Variants in SGCD observed in about 807,000 individuals in gnomAD.
The protein encoded by SGCD is delta-sarcoglycan.
A neutral mutation model predicts 36.6 loss-of-function variants in SGCD; 18 were observed. That is an observed-to-expected ratio of 0.49 (90% CI 0.34 to 0.73). The LOEUF (loss-of-function observed/expected upper bound fraction) is 0.73. Among genes scored for constraint, SGCD ranks in the 30% least tolerant of loss-of-function variants. The pLI, the probability that SGCD is intolerant of heterozygous loss-of-function variation, is 0.01. For missense variants in SGCD, 387 were observed against 346.7 expected, an observed-to-expected ratio of 1.12 and a Z score of -0.92; for synonymous variants, 133 against 130.6, an observed-to-expected ratio of 1.02 and a Z score of -0.12.
At chr5:156,233,066 C>A (rs145188261) in intron 3 of SGCD, among the ~76,000 whole-genome samples, 7 of 152,246 alleles carry the variant, frequency 4.6e-5, no homozygotes, top group South Asian at 2.1e-4. Context: ...ATATTCTTGA[C>A]AATAGGACAC....
chr5:156,083,868 A>T (rs974270781), intron 1 of SGCD, among the ~76,000 whole-genome samples: 1 of 151,540 alleles, frequency 6.6e-6, no homozygotes, highest in African/African-American at 2.4e-5. Context: ...ACATTTGTTG[A>T]ATGGGCATTC....
At chr5:156,013,597 G>C (rs1758905688) in intron 1 of SGCD, among the ~76,000 whole-genome samples, 1 of 152,078 alleles carries the variant, frequency 6.6e-6, no homozygotes, top group African/African-American at 2.4e-5. Flanking sequence ...GATTACTGTA[G>C]TGTTTGAACA....
At chr5:155,883,576 C>T (rs1038869553) in intron 1 of SGCD, among the ~76,000 whole-genome samples, 16 of 151,950 alleles carry the variant, frequency 1.1e-4, no homozygotes, top group Non-Finnish European at 1.5e-5. Context: ...TTTATGGATA[C>T]AGTTTGCCAT....
At chr5:156,408,520 A>G (rs918925120) in intron 3 of SGCD, among the ~76,000 whole-genome samples, 1 of 151,894 alleles carries the variant, frequency 6.6e-6, no homozygotes, top group Non-Finnish European at 1.5e-5. Flanking sequence ...CAACACACCC[A>G]GCTGATTTTT....
Position 156,001,675 on chromosome 5 carries a change from G to A in SGCD, c.-281-116203G>A, listed in dbSNP as rs184745531. On this transcript the variant is annotated intron_variant, in intron 1 of 9. Coordinates refer to the SGCD transcript ENST00000517913. Reference sequence around the variant, plus strand: ...TATTATTTTTCTATTAGATAAATGCGTTTTTTTGGCCAGAGAAATTACATT... The same window carrying A: ...TATTATTTTTCTATTAGATAAATGCATTTTTTTGGCCAGAGAAATTACATT... 1.0e-3 allele frequency among the ~76,000 whole-genome samples: 158 copies of A among 152,188 alleles called. 1 individual carries two copies. Among genetic ancestry groups the A allele is most frequent in the African/African-American group, 3.4e-3 (143 of 41,522 alleles).
chr5:156,568,872 C>T (rs1759601699), intron 4 of SGCD, among the ~76,000 whole-genome samples: 1 of 152,190 alleles, frequency 6.6e-6, no homozygotes, highest in Non-Finnish European at 1.5e-5. Context: ...ACAGAGTGAA[C>T]ATATTATGTA....
chr5:155,760,302 T>C, the SGCD span, among the ~76,000 whole-genome samples: 1 of 93,108 alleles, frequency 1.1e-5, no homozygotes, highest in Non-Finnish European at 2.1e-5. Flanking sequence ...CATCATCCTC[T>C]CCATCATCCT....
At chr5:156,606,226 G>A (rs1179069346) in intron 6 of SGCD, among the ~76,000 whole-genome samples, 1 of 152,158 alleles carries the variant, frequency 6.6e-6, no homozygotes, top group Non-Finnish European at 1.5e-5. Flanking sequence ...TTTTGTATAA[G>A]GTCTAAGGAA....
At chr5:156,380,397 C>T (rs1770916825) in intron 3 of SGCD, among the ~76,000 whole-genome samples, 1 of 152,182 alleles carries the variant, frequency 6.6e-6, no homozygotes, top group African/African-American at 2.4e-5. Context: ...TACAACCTTC[C>T]TCCTACAACA....
At chr5:156,310,590 A>G (rs950074288) in intron 3 of SGCD, among the ~76,000 whole-genome samples, 5 of 152,196 alleles carry the variant, frequency 3.3e-5, no homozygotes, top group African/African-American at 9.7e-5. Context: ...GTAGACTCCA[A>G]AATAATTACA....
intron 3 of SGCD, among the ~76,000 whole-genome samples, chr5:156,262,015 AG>A (rs1038217226): frequency 2.6e-5 from 4 of 152,206 alleles, no homozygotes; most frequent in Non-Finnish European, 4.4e-5. Flanking sequence ...AAAATTAAAA[AG>A]TTTGTAATTA....
chr5:155,819,646 A>G, the SGCD span, among the ~76,000 whole-genome samples: 13 of 152,192 alleles, frequency 8.5e-5, no homozygotes, highest in African/African-American at 3.1e-4. Flanking sequence ...ACAACTCATT[A>G]GTGGCAAAGC....
chr5:156,114,493 G>T (rs1761864003), intron 1 of SGCD, among the ~76,000 whole-genome samples: 1 of 151,912 alleles, frequency 6.6e-6, no homozygotes, highest in South Asian at 2.1e-4. Flanking sequence ...GCCACATTGT[G>T]CAACATGATC....
At chr5:156,082,274 G>GA (rs1194417000) in intron 1 of SGCD, among the ~76,000 whole-genome samples, 17 of 146,354 alleles carry the variant, frequency 1.2e-4, no homozygotes, top group African/African-American at 4.3e-4. Flanking sequence ...GGTGGGCGGG[G>GA]GGGTCCAGGG....
intron 3 of SGCD, among the ~76,000 whole-genome samples, chr5:156,389,782 C>T (rs897611321): frequency 6.6e-6 from 1 of 152,142 alleles, no homozygotes; most frequent in African/African-American, 2.4e-5. Flanking sequence ...AGTCTGAATC[C>T]AGATTTCATG....
chr5:156,417,701 T>G (rs1389955192), intron 3 of SGCD, among the ~76,000 whole-genome samples: 3 of 152,104 alleles, frequency 2.0e-5, no homozygotes, highest in African/African-American at 7.2e-5. Context: ...GGCTCTACCA[T>G]TATGACCTCA....
At chr5:156,733,864 G>A (rs978718887) in intron 7 of SGCD, among the ~76,000 whole-genome samples, 10 of 151,710 alleles carry the variant, frequency 6.6e-5, no homozygotes, top group Admixed American at 4.6e-4. Flanking sequence ...CCTTTATTTT[G>A]AGCCTATGTG....
the SGCD span, among the ~76,000 whole-genome samples, chr5:155,774,792 A>C: frequency 6.6e-6 from 1 of 152,112 alleles, no homozygotes; most frequent in Non-Finnish European, 1.5e-5. Context: ...TCATATCTGC[A>C]AAGTCCCTTT....
intron 3 of SGCD, among the ~76,000 whole-genome samples, chr5:156,211,467 G>A (rs891233668): frequency 4.6e-5 from 7 of 152,048 alleles, no homozygotes; most frequent in African/African-American, 1.7e-4. Context: ...AATTAGCTGG[G>A]CGTGGTGGCG....
Sources: allele counts gnomAD v4.1 joint callset (sites outside exome capture counted in the v4.1 genomes callset), GRCh38; gene constraint gnomAD v4.1.1; transcripts MANE v1.5; gene names NCBI Gene and HGNC (gene_info 2026-07-23, HGNC 2026-07-21).